HDAC9: variants seen among roughly 807,000 people sequenced by gnomAD.
HDAC9 encodes histone deacetylase 9.
HDAC9 carries 41 observed loss-of-function variants against 139.4 expected under a neutral mutation model. The observed-to-expected ratio is 0.29, with a 90% confidence interval of 0.23 to 0.38. The LOEUF (loss-of-function observed/expected upper bound fraction) is 0.38. Among genes scored for constraint, HDAC9 ranks in the 10% least tolerant of loss-of-function variants. The pLI is 1.00. For synonymous variants in HDAC9, 517 were observed against 476.2 expected, an observed-to-expected ratio of 1.09 and a Z score of -1.12; for missense variants, 1,147 against 1,297.0, an observed-to-expected ratio of 0.88 and a Z score of 1.78.
intron 12 of HDAC9, among the ~76,000 whole-genome samples, chr7:18,683,776 C>G (rs981451387): frequency 1.3e-5 from 2 of 151,586 alleles, no homozygotes; most frequent in African/African-American, 4.8e-5. Flanking sequence ...TGCTTGTTAA[C>G]AAACTGGAGG....
intron 2 of HDAC9, among the ~76,000 whole-genome samples, chr7:18,262,429 T>A (rs889673482): frequency 6.6e-6 from 1 of 152,164 alleles, no homozygotes; most frequent in Non-Finnish European, 1.5e-5. Context: ...CATTTCCAGA[T>A]AAACATAACC....
intron 21 of HDAC9, among the ~76,000 whole-genome samples, chr7:18,854,479 G>A (rs151254569): frequency 6.6e-6 from 1 of 152,036 alleles, no homozygotes; most frequent in African/African-American, 2.4e-5. Flanking sequence ...AGAGTCTGTC[G>A]GTGTATCTTA....
chr7:18,596,870 A>C (rs1832651638), intron 6 of HDAC9, among the ~76,000 whole-genome samples: 1 of 152,178 alleles, frequency 6.6e-6, no homozygotes, highest in Non-Finnish European at 1.5e-5. Flanking sequence ...ATTAGCAAGC[A>C]AGATTTACGA....
intron 2 of HDAC9, among the ~76,000 whole-genome samples, chr7:18,273,203 A>G (rs1006569347): frequency 1.3e-5 from 2 of 151,302 alleles, no homozygotes; most frequent in Non-Finnish European, 2.9e-5. Context: ...AGTAGCTAGG[A>G]CTACAGGCAT....
upstream of HDAC9, among the ~76,000 whole-genome samples, chr7:18,289,268 T>A (rs1359768111): frequency 6.6e-6 from 1 of 152,120 alleles, no homozygotes; most frequent in Non-Finnish European, 1.5e-5. Flanking sequence ...GTACTTAGAT[T>A]TTCATTTTCT....
intron 2 of HDAC9, among the ~76,000 whole-genome samples, chr7:18,228,009 A>G (rs186293828): frequency 5.9e-5 from 9 of 152,318 alleles, no homozygotes; most frequent in Admixed American, 5.9e-4. Flanking sequence ...ATTTATTTGC[A>G]TTTCTATCCA....
intron 1 of HDAC9, among the ~76,000 whole-genome samples, chr7:18,420,337 G>T (rs1789500662): frequency 6.6e-6 from 1 of 152,114 alleles, no homozygotes; most frequent in African/African-American, 2.4e-5. Context: ...TTTTGTGATT[G>T]CTAGAGGTAA....
intron 2 of HDAC9, among the ~76,000 whole-genome samples, chr7:18,183,038 C>G (rs906732659): frequency 1.4e-5 from 2 of 147,280 alleles, no homozygotes; most frequent in Admixed American, 6.7e-5. Flanking sequence ...GAGACGGAGT[C>G]TCACTCTGTT....
intron 2 of HDAC9, among the ~76,000 whole-genome samples, chr7:18,523,620 G>A (rs532177725): frequency 8.5e-5 from 13 of 152,286 alleles, no homozygotes; most frequent in African/African-American, 2.9e-4. Context: ...GTTTGCACAT[G>A]TATATGTGTG....
intron 1 of HDAC9, among the ~76,000 whole-genome samples, chr7:18,419,815 TA>T: frequency 6.6e-6 from 1 of 152,290 alleles, no homozygotes; most frequent in African/African-American, 2.4e-5. Flanking sequence ...TTTGTGAAAA[TA>T]GCTGCAAGGA....
chr7:18,667,437 G>T, intron 12 of HDAC9: 1 of 983,940 alleles, frequency 1.0e-6, no homozygotes, highest in Non-Finnish European at 1.2e-6. Flanking sequence ...GGCATATACC[G>T]TAACATTCTG....
At chr7:18,855,469 C>T (rs142088235) in intron 21 of HDAC9, among the ~76,000 whole-genome samples, 1,927 of 151,990 alleles carry the variant, frequency 0.013, 9 homozygotes, top group Non-Finnish European at 0.021. Flanking sequence ...TTGCTAGAGT[C>T]TTTTGCTTTA....
rs542321552 is a variant in HDAC9 at position 18,278,475 on chromosome 7, T to A, written c.25+116126T>A. 4.6e-5 allele frequency among the ~76,000 whole-genome samples: 7 copies of A among 152,334 alleles called. No homozygotes were observed. In the East Asian group the frequency reaches 1.4e-3, roughly 29 times the overall value. On this transcript the variant is annotated intron_variant, in intron 2 of 12. Coordinates refer to the HDAC9 transcript ENST00000417496. ...AGAGCAACAAAGTTCTGTATTGTGCTGTTGCCACAGCAGCACCAATAATTC... is the reference window on the plus strand; with the variant it reads ...AGAGCAACAAAGTTCTGTATTGTGCAGTTGCCACAGCAGCACCAATAATTC...
At chr7:18,468,406 G>C (rs1315540910) in intron 1 of HDAC9, among the ~76,000 whole-genome samples, 3 of 151,764 alleles carry the variant, frequency 2.0e-5, no homozygotes, top group Non-Finnish European at 4.4e-5. Flanking sequence ...TGCTCAAATT[G>C]TTATAGCTTT....
chr7:18,898,228 A>G (rs1187884449), intron 22 of HDAC9, among the ~76,000 whole-genome samples: 1 of 151,896 alleles, frequency 6.6e-6, no homozygotes, highest in Non-Finnish European at 1.5e-5. Context: ...CACATACACA[A>G]TTATGACAAT....
intron 2 of HDAC9, among the ~76,000 whole-genome samples, chr7:18,559,112 C>T (rs1260296855): frequency 1.3e-5 from 2 of 152,154 alleles, no homozygotes; most frequent in African/African-American, 2.4e-5. Flanking sequence ...TGAAGCATCC[C>T]CCGACTGACA....
In HDAC9 at chr7:18,258,951, C is replaced by CTT. The variant is rs199607615; in HGVS notation, c.25+96638_25+96639dup. Among the ~76,000 whole-genome samples the CTT allele has an allele frequency of 1.5e-3, 149 of 98,348 alleles. 9 individuals carry two copies. Among genetic ancestry groups the CTT allele is most frequent in the Non-Finnish European group, 2.0e-3 (93 of 47,004 alleles). 64.5% of individuals were successfully genotyped at this position (98,348 alleles called of 152,430 possible). A position where few individuals can be genotyped will look rare whatever the true frequency, so the allele number is the denominator to read the frequency against. On this transcript the variant is annotated intron_variant, in intron 2 of 12. Coordinates refer to the HDAC9 transcript ENST00000417496. ...TAATAAAGTAGGGATTCTTCTTCTCCTTTTTTTTTTTTTTTTTTTTTTTTT... is the reference window on the plus strand; with the variant it reads ...TAATAAAGTAGGGATTCTTCTTCTCCTTTTTTTTTTTTTTTTTTTTTTTTTTT...
chr7:18,571,648 A>G (rs1293799982), intron 2 of HDAC9, among the ~76,000 whole-genome samples: 1 of 151,048 alleles, frequency 6.6e-6, no homozygotes, highest in Non-Finnish European at 1.5e-5. Context: ...TTTTGGTAAT[A>G]AAGATTTACT....
At chr7:18,663,277 G>C (rs571214828) in intron 11 of HDAC9, among the ~76,000 whole-genome samples, 1 of 152,058 alleles carries the variant, frequency 6.6e-6, no homozygotes, top group African/African-American at 2.4e-5. Context: ...ACCATTGGAG[G>C]TTAGGAGGTT....
Sources: gnomAD v4.1 joint callset for allele counts (sites outside exome capture counted in the v4.1 genomes callset) on GRCh38, gnomAD v4.1.1 for gene constraint, MANE v1.5 for transcripts, NCBI Gene and HGNC (gene_info 2026-07-23, HGNC 2026-07-21) for gene names.